Variants in ZNHIT6 observed in about 807,000 individuals in gnomAD.
The protein encoded by ZNHIT6 is box C/D snoRNA protein 1.
Under a neutral mutation model 57.2 loss-of-function variants are expected in ZNHIT6, and 45 were observed. That is an observed-to-expected ratio of 0.79 (90% CI 0.62 to 1.01). The LOEUF is 1.01. ZNHIT6 is among the 50% of genes least tolerant of loss of function. The pLI is 0.00. For missense variants in ZNHIT6, 528 were observed against 567.3 expected, an observed-to-expected ratio of 0.93 and a Z score of 0.70; for synonymous variants, 188 against 190.0, an observed-to-expected ratio of 0.99 and a Z score of 0.09.
intron 8 of ZNHIT6, among the ~76,000 whole-genome samples, chr1:85,667,961 A>AAAAAAAAAAAAATATATATATAT: frequency 1.2e-3 from 22 of 18,182 alleles, no homozygotes; most frequent in Non-Finnish European, 2.1e-3. Flanking sequence ...AAAAAAAAAA[A>AAAAAAAAAAAAATATATATATAT]ATATATATAT....
intron 8 of ZNHIT6, among the ~76,000 whole-genome samples, chr1:85,665,425 C>A (rs1363356688): frequency 6.6e-6 from 1 of 151,812 alleles, no homozygotes; most frequent in Non-Finnish European, 1.5e-5. Flanking sequence ...ACTGTGCCGG[C>A]CTCAAGTTGA....
chr1:85,677,929 G>A lies in ZNHIT6; in HGVS notation c.1170-616C>T, dbSNP rs193020391. ...CACTCTAATAACAATCTCCGTTTTC[G>A]AGTAGTGTCTACTATATGCTAGGTC... On this transcript the variant is annotated intron_variant, in intron 7 of 9. Transcript: ENST00000370574. Among the ~76,000 whole-genome samples the A allele has an allele frequency of 1.0e-3, 158 of 152,224 alleles. 1 individual carries two copies. The highest frequency in any genetic ancestry group is 3.7e-3 in the African/African-American group (152 of 41,542).
chr1:85,706,236 T>G lies in ZNHIT6; in HGVS notation c.829+13A>C, dbSNP rs1557879109. The G allele has an allele frequency of 6.2e-7, 1 of 1,609,006 alleles. No homozygotes were observed. The highest frequency in any genetic ancestry group is 1.7e-5 in the Admixed American group (1 of 59,808). On this transcript the variant is annotated intron_variant, in intron 3 of 9. Transcript: ENST00000370574. ...CCAGGAAGCCTCAATTTGCTATGCA[T>G]AAAGTGGCTTACCACTTAGGAGATT...
chr1:85,672,300 G>C (rs1359266033), intron 8 of ZNHIT6, among the ~76,000 whole-genome samples: 2 of 151,544 alleles, frequency 1.3e-5, no homozygotes, highest in Non-Finnish European at 2.9e-5. Flanking sequence ...TTTTTTGCTA[G>C]ATTTTTACAG....
chr1:85,658,348 C>T (rs1445094577), intron 8 of ZNHIT6, among the ~76,000 whole-genome samples: 3 of 152,060 alleles, frequency 2.0e-5, no homozygotes, highest in Admixed American at 2.0e-4. Flanking sequence ...CCTGCCTCAG[C>T]CTCCCAAGTA....
intron 1 of ZNHIT6, among the ~76,000 whole-genome samples, chr1:85,706,916 A>G (rs1223355961): frequency 6.6e-6 from 1 of 152,198 alleles, no homozygotes; most frequent in Non-Finnish European, 1.5e-5. Flanking sequence ...TATAAGGCCA[A>G]GTGAAATTTA....
intron 5 of ZNHIT6, among the ~76,000 whole-genome samples, chr1:85,689,252 C>T (rs541714549): frequency 2.8e-4 from 43 of 152,310 alleles, no homozygotes; most frequent in African/African-American, 9.4e-4. Context: ...AAAATACCTA[C>T]ATAATCCTTC....
At chr1:85,701,990 T>A (rs539687199) in intron 5 of ZNHIT6, among the ~76,000 whole-genome samples, 167 bp downstream of exon 5, 28 of 152,146 alleles carry the variant, frequency 1.8e-4, no homozygotes, top group African/African-American at 6.3e-4. Flanking sequence ...CCCAAATTTT[T>A]ATTAGAGTTA....
intron 5 of ZNHIT6, among the ~76,000 whole-genome samples, chr1:85,687,091 GA>G (rs1662066151): frequency 6.6e-6 from 1 of 151,094 alleles, no homozygotes; most frequent in African/African-American, 2.4e-5. Context: ...ACAACATAGT[GA>G]AACCCCACCT....
intron 8 of ZNHIT6, among the ~76,000 whole-genome samples, chr1:85,668,284 G>A (rs1451869595): frequency 6.6e-6 from 1 of 151,886 alleles, no homozygotes; most frequent in Non-Finnish European, 1.5e-5. Flanking sequence ...ACTGATGATG[G>A]CATCTTCTAT....
At chr1:85,661,432 T>C (rs1352944859) in intron 8 of ZNHIT6, among the ~76,000 whole-genome samples, 1 of 152,262 alleles carries the variant, frequency 6.6e-6, no homozygotes, top group Admixed American at 6.5e-5. Flanking sequence ...CCTAAGCACA[T>C]GTGTTTGTTT....
intron 9 of ZNHIT6, among the ~76,000 whole-genome samples, chr1:85,656,212 T>G (rs3767163): frequency 0.23 from 35,447 of 152,084 alleles, 4,719 homozygotes; most frequent in Admixed American, 0.29. Flanking sequence ...ACTTTTAAGG[T>G]GTGTGTACTT....
At chr1:85,672,956 T>C (rs547655888) in intron 8 of ZNHIT6, among the ~76,000 whole-genome samples, 1 of 152,306 alleles carries the variant, frequency 6.6e-6, no homozygotes, top group African/African-American at 2.4e-5. Context: ...ATAGACAAAG[T>C]TGGTTGTTTT....
intron 5 of ZNHIT6, among the ~76,000 whole-genome samples, chr1:85,682,178 A>ATT (rs11394558): frequency 0.02 from 2,577 of 130,086 alleles, 39 homozygotes; most frequent in Middle Eastern, 0.031. Flanking sequence ...CGCCCGGCTA[A>ATT]TTTTTTTTTT....
rs145186918 is a variant in ZNHIT6, at chr1:85,686,149, G to C, written c.1020-5245C>G. 9.3e-3 allele frequency among the ~76,000 whole-genome samples: 1,416 copies of C among 151,524 alleles called. 58 individuals are homozygous for C. The highest frequency in any genetic ancestry group is 0.063 in the Admixed American group (952 of 15,230). On this transcript the variant is annotated intron_variant, in intron 5 of 9. Coordinates refer to ENST00000370574, the MANE Select transcript of ZNHIT6 (RefSeq NM_017953.4). ...ATTAATTCTTTGTATTTTTAGTAGA[G>C]ACGGGGTTTCACTATGTTAGCCAGG...
chr1:85,689,603 G>A (rs571501162), intron 5 of ZNHIT6, among the ~76,000 whole-genome samples: 2 of 152,266 alleles, frequency 1.3e-5, no homozygotes, highest in African/African-American at 4.8e-5. Flanking sequence ...GGCTTTAGTA[G>A]AAAGTATATT....
Position 85,679,964 on chromosome 1 carries a change from G to C in ZNHIT6, c.1088+872C>G, listed in dbSNP as rs182003315. On this transcript the variant is annotated intron_variant, in intron 6 of 9. Transcript: ENST00000370574. ...CTCACACTTGTAATTCCGACATTTT[G>C]GGAGGCAGAGAGGGGAGGATTGCTT... Among the ~76,000 whole-genome samples, 605 of 152,352 alleles carry C rather than the reference G, an allele frequency of 4.0e-3. 1 individual carries two copies. Among genetic ancestry groups the C allele is most frequent in the Non-Finnish European group, 6.2e-3 (419 of 68,022 alleles).
Position 85,650,568 on chromosome 1 carries a change from A to G in ZNHIT6, c.*3490T>C, listed in dbSNP as rs1373221483. The G allele has an allele frequency of 6.6e-5, 10 of 152,222 alleles. No homozygotes were observed. The highest frequency in any genetic ancestry group is 5.9e-4 in the Admixed American group (9 of 15,286). 9.4% of individuals were successfully genotyped at this position (152,222 alleles called of 1,614,324 possible). On this transcript the variant is annotated 3_prime_UTR_variant, in exon 10 of 10. Transcript: ENST00000370574. ...CCATTTTGTGTCGCTATAATAGAAT[A>G]TCTAAGACTGGGTAACTTATTTTTA...
chr1:85,659,431 C>G (rs1309631005), intron 8 of ZNHIT6, among the ~76,000 whole-genome samples: 1 of 152,148 alleles, frequency 6.6e-6, no homozygotes, highest in African/African-American at 2.4e-5. Context: ...CATTTTTATT[C>G]ATCTCTACCA....
Sources: allele counts gnomAD v4.1 joint callset (sites outside exome capture counted in the v4.1 genomes callset), GRCh38; gene constraint gnomAD v4.1.1; transcripts MANE v1.5; gene names NCBI Gene and HGNC (gene_info 2026-07-23, HGNC 2026-07-21).